Variants in TDRD12 observed in about 807,000 individuals in gnomAD.
TDRD12 encodes the protein putative ATP-dependent RNA helicase TDRD12.
In TDRD12, 158 loss-of-function variants were observed where a neutral mutation model predicts 133.5. The observed-to-expected ratio is 1.18, with a 90% confidence interval of 1.04 to 1.35. The LOEUF is 1.35. Ranked by LOEUF, TDRD12 falls within the 40% of genes most tolerant of loss-of-function variation. The pLI is 0.00. For synonymous variants in TDRD12, 460 were observed against 477.9 expected, an observed-to-expected ratio of 0.96 and a Z score of 0.49; for missense variants, 1,443 against 1,321.3, an observed-to-expected ratio of 1.09 and a Z score of -1.43.
At chr19:32,821,369 AGT>A (rs59054756), downstream of TDRD12, 14,249 of 350,610 alleles carry the variant, frequency 0.041, 246 homozygotes, top group Admixed American at 0.055. Context: ...AGCTCAGCAG[AGT>A]GTGTGTGTGT....
chr19:32,813,618 T>C, intron 24 of TDRD12, 66 bp from the exon 25 acceptor site: 1 of 914,084 alleles, frequency 1.1e-6, no homozygotes, highest in Admixed American at 2.2e-5. Flanking sequence ...GCAAACTGTA[T>C]GGCATATACA....
chr19:32,746,664 G>A (rs1969645083), intron 4 of TDRD12, among the ~76,000 whole-genome samples: 1 of 149,492 alleles, frequency 6.7e-6, no homozygotes, highest in Non-Finnish European at 1.5e-5. Flanking sequence ...GTGACAGAGG[G>A]GGAGAGAGAC....
At chr19:32,721,095 C>G (rs1056232689) in intron 1 of TDRD12, among the ~76,000 whole-genome samples, 3 of 152,056 alleles carry the variant, frequency 2.0e-5, no homozygotes, top group Admixed American at 6.5e-5. Flanking sequence ...TCCCTCATGC[C>G]CCCAGTCTCT....
chr19:32,798,331 T>A, exon 16 of TDRD12: 5 of 1,535,564 alleles, frequency 3.3e-6, no homozygotes, highest in Non-Finnish European at 4.4e-6. Flanking sequence ...TACGACCCCA[T>A]ACAGCCTGCT....
At position 32,735,357 on chromosome 19, in the gene TDRD12, A is replaced by G. The variant is rs1969193111; in HGVS notation, c.183+3474A>G. On this transcript the variant is annotated intron_variant, in intron 2 of 27. Transcript: ENST00000444215. Reference sequence around the variant, plus strand: ...TCAGGATAGAGGCTTAGAACCAGTTACTACATTCCCTTCAGCCAAAGCCTG... The same window carrying G: ...TCAGGATAGAGGCTTAGAACCAGTTGCTACATTCCCTTCAGCCAAAGCCTG... 2.0e-5 allele frequency among the ~76,000 whole-genome samples: 3 copies of G among 152,252 alleles called. No homozygotes were observed. The South Asian group carries it at 6.2e-4, about 31-fold the overall frequency.
chr19:32,744,690 C>T (rs1474107850), intron 4 of TDRD12, among the ~76,000 whole-genome samples: 6 of 151,968 alleles, frequency 3.9e-5, no homozygotes, highest in Non-Finnish European at 4.4e-5. Flanking sequence ...CGGGTGCGGG[C>T]GCCATGTCTG....
In TDRD12 at chr19:32,826,425, A is replaced by C. The variant is rs1013092292; in HGVS notation, c.896-20A>C. On this transcript the variant is annotated intron_variant, in intron 8 of 9. Transcript: ENST00000637289. ...TTTAGCATTTTAAAAGGCTGACTTT[A>C]TTTCTTTTTATAAACCCAGTGCTTG... 39 of 1,235,204 alleles carry C rather than the reference A, an allele frequency of 3.2e-5. No homozygotes were observed. Among genetic ancestry groups the C allele is most frequent in the Non-Finnish European group, 3.8e-5 (38 of 989,252 alleles). The allele number at this position is 1,235,204 out of a possible 1,614,324, so 76.5% of individuals were successfully genotyped here.
intron 24 of TDRD12, among the ~76,000 whole-genome samples, chr19:32,812,024 G>T (rs1216963603): frequency 6.6e-6 from 1 of 152,254 alleles, no homozygotes; most frequent in Non-Finnish European, 1.5e-5. Context: ...CAGAAAAGCT[G>T]CCAAAGGAAG....
chr19:32,757,200 G>C, intron 8 of TDRD12, 70 bp downstream of exon 8: 1 of 1,294,086 alleles, frequency 7.7e-7, no homozygotes, highest in Non-Finnish European at 1.1e-6. Context: ...TTAAAGATTA[G>C]AAAGGTTGTC....
intron 25 of TDRD12, among the ~76,000 whole-genome samples, chr19:32,814,990 G>A (rs569966415): frequency 1.3e-5 from 2 of 152,252 alleles, no homozygotes; most frequent in African/African-American, 2.4e-5. Flanking sequence ...AATGGATGAG[G>A]ATGTTTGGTT....
intron 5 of TDRD12, among the ~76,000 whole-genome samples, chr19:32,749,142 A>G (rs1969745557): frequency 6.6e-6 from 1 of 152,036 alleles, no homozygotes; most frequent in Non-Finnish European, 1.5e-5. Context: ...TCATCTGGGT[A>G]GAGGAGGAGC....
intron 11 of TDRD12, among the ~76,000 whole-genome samples, chr19:32,780,533 AAC>A (rs1429326457): frequency 6.6e-6 from 1 of 152,140 alleles, no homozygotes; most frequent in East Asian, 1.9e-4. Context: ...TCTGCCAAAG[AAC>A]ACAGTGAGTG....
chr19:32,754,812 G>A (rs1969945096), intron 6 of TDRD12, among the ~76,000 whole-genome samples: 1 of 151,730 alleles, frequency 6.6e-6, no homozygotes, highest in Non-Finnish European at 1.5e-5. Flanking sequence ...CAAGTAGCTG[G>A]GATTATAGGC....
At chr19:32,751,543 C>G (rs1441710865) in intron 6 of TDRD12, among the ~76,000 whole-genome samples, 5 of 151,736 alleles carry the variant, frequency 3.3e-5, no homozygotes, top group Non-Finnish European at 1.5e-5. Flanking sequence ...TTTTTCTCCT[C>G]TCCTCTCCTC....
intron 1 of TDRD12, among the ~76,000 whole-genome samples, chr19:32,725,595 C>T (rs1278571799): frequency 6.6e-6 from 1 of 152,098 alleles, no homozygotes; most frequent in Non-Finnish European, 1.5e-5. Flanking sequence ...TGTACCAGTA[C>T]CATGCTGTTT....
chr19:32,788,313 T>C lies in TDRD12; in HGVS notation c.1122-2218T>C, dbSNP rs1357437515. 4.6e-5 allele frequency among the ~76,000 whole-genome samples: 7 copies of C among 152,092 alleles called. No individual in the cohort carries two copies. In the East Asian group the frequency reaches 7.8e-4, roughly 17 times the overall value. On this transcript the variant is annotated intron_variant, in intron 11 of 27. Transcript: ENST00000444215. ...TTTTAGTAGAGACAGGGTTTCACTA[T>C]ATTGGCCAGGCTGGTCTCAAACTCC...
At chr19:32,722,584 C>T (rs951558140) in intron 1 of TDRD12, among the ~76,000 whole-genome samples, 3 of 152,052 alleles carry the variant, frequency 2.0e-5, no homozygotes, top group Non-Finnish European at 4.4e-5. Context: ...TACACAATGG[C>T]ATATTATTTA....
chr19:32,803,006 C>T (rs2145704593), exon 21 of TDRD12: 1 of 1,536,078 alleles, frequency 6.5e-7, no homozygotes, highest in Non-Finnish European at 8.7e-7. Context: ...GGTGGGCGTC[C>T]TGCGCTACTT....
At chr19:32,738,311 G>A (rs1969287634) in intron 2 of TDRD12, among the ~76,000 whole-genome samples, 2 of 152,168 alleles carry the variant, frequency 1.3e-5, no homozygotes, top group Non-Finnish European at 2.9e-5. Context: ...GTTAAGGAGT[G>A]GAAACAATTG....
Sources: gnomAD v4.1 joint callset for allele counts (sites outside exome capture counted in the v4.1 genomes callset) on GRCh38, gnomAD v4.1.1 for gene constraint, MANE v1.5 for transcripts, NCBI Gene and HGNC (gene_info 2026-07-23, HGNC 2026-07-21) for gene names.